The following NCCRP1 variants were observed in gnomAD, a reference collection of about 807,000 sequenced individuals.
The protein encoded by NCCRP1 is F-box only protein 50.
Under a neutral mutation model 34.4 loss-of-function variants are expected in NCCRP1, and 32 were observed. That is an observed-to-expected ratio of 0.93 (90% CI 0.70 to 1.25). The LOEUF (loss-of-function observed/expected upper bound fraction) is 1.25, where lower values mean the gene tolerates loss of function less well. Ranked by LOEUF, NCCRP1 falls within the 50% of genes most tolerant of loss-of-function variation. NCCRP1 has a pLI of 0.00. For missense variants in NCCRP1, 372 were observed against 391.8 expected, an observed-to-expected ratio of 0.95 and a Z score of 0.43; for synonymous variants, 172 against 180.1, an observed-to-expected ratio of 0.95 and a Z score of 0.36.
chr19:39,198,833 C>T (rs1027870887), intron 3 of NCCRP1, among the ~76,000 whole-genome samples: 9 of 152,184 alleles, frequency 5.9e-5, no homozygotes, highest in African/African-American at 7.2e-5. Context: ...CCCTGTCCTC[C>T]ATGAAACAGA....
In NCCRP1 at chr19:39,196,994, G is replaced by C; in HGVS notation, c.12G>C (p.Val4=). 6.5e-7 allele frequency: 1 copy of C among 1,536,494 alleles called. No homozygotes were observed. The highest frequency in any genetic ancestry group is 8.7e-7 in the Non-Finnish European group (1 of 1,148,580). ...CGCAGCCTCGAGGGATGGAGGAGGT[G>C]CGTGAGGGACACGCGCTCGGTGGCG... MEE[V]REGHALGGGM... The change falls in exon 1 of 6, where the codon GTG becomes GTC. Residue 4 remains valine, a synonymous_variant. Transcript: ENST00000339852.
At chr19:39,199,055 A>T in intron 3 of NCCRP1, 115 bp from the exon 4 acceptor site, 1 of 869,972 alleles carries the variant, frequency 1.1e-6, no homozygotes, top group Non-Finnish European at 1.9e-6. Flanking sequence ...GTGCTGAGGG[A>T]GCACCCCACG....
At position 39,197,952 on chromosome 19, in the gene NCCRP1, A is replaced by G. The variant is rs776681746; in HGVS notation, c.338-101A>G. On this transcript the variant is annotated intron_variant, in intron 1 of 5. Transcript: ENST00000339852. ...CTGCCGGGCTTCCCTGACCTGGCAC[A>G]GATTCCTGCCCTTCCAGTGTATAGC... The G allele has an allele frequency of 4.7e-4, 650 of 1,397,776 alleles. 3 individuals are homozygous for G. The highest frequency in any genetic ancestry group is 1.4e-4 in the Admixed American group (8 of 58,818). The allele number at this position is 1,397,776 out of a possible 1,614,324, so 86.6% of individuals were successfully genotyped here.
At chr19:39,198,422 A>G (rs2074772605) in intron 3 of NCCRP1, among the ~76,000 whole-genome samples, 169 bp downstream of exon 3, 1 of 152,200 alleles carries the variant, frequency 6.6e-6, no homozygotes, top group Non-Finnish European at 1.5e-5. Flanking sequence ...GGGCCCGGCC[A>G]GGTCTGGCTA....
Position 39,200,406 on chromosome 19 carries a change from C to T in NCCRP1, c.609C>T (p.Ala203=), listed in dbSNP as rs761896127. 2.9e-5 allele frequency: 46 copies of T among 1,613,342 alleles called. No homozygotes were observed. The Middle Eastern group carries it at 4.9e-4, about 17-fold the overall frequency. ...VYELHVWLLA[A]DRRTVIAQHH... is the part of the protein sequence containing the mutation. ...AGCTGCATGTCTGGCTGCTGGCGGCCGACCGCCGCACGGTCATTGCTCAGC... is the reference window on the plus strand; with the variant it reads ...AGCTGCATGTCTGGCTGCTGGCGGCTGACCGCCGCACGGTCATTGCTCAGC... The change falls in exon 5 of 6, where the codon GCC becomes GCT. Residue 203 remains alanine, a synonymous_variant. Coordinates refer to ENST00000339852, the MANE Select transcript of NCCRP1 (RefSeq NM_001001414.2). The surrounding 1 kb of genome is among the most constrained non-coding windows in gnomAD (Gnocchi z 5.8).
intron 4 of NCCRP1, among the ~76,000 whole-genome samples, chr19:39,199,922 C>G (rs1386878454): frequency 2.0e-5 from 3 of 152,116 alleles, no homozygotes; most frequent in African/African-American, 7.2e-5. Flanking sequence ...CCCTGATCAC[C>G]CCTCAGCTGG....
chr19:39,198,971 C>G (rs2074774896), intron 3 of NCCRP1, among the ~76,000 whole-genome samples, 199 bp from the exon 4 acceptor site: 1 of 152,166 alleles, frequency 6.6e-6, no homozygotes. Context: ...TCCTCAGCCT[C>G]AGGTTCCTTG....
chr19:39,199,043 A>G (rs966337481), intron 3 of NCCRP1, 127 bp from the exon 4 acceptor site: 9 of 750,850 alleles, frequency 1.2e-5, no homozygotes, highest in Admixed American at 2.1e-5. Context: ...TGAGAGTGGA[A>G]GGTGCTGAGG....
Position 39,200,306 on chromosome 19 carries a change from A to C in NCCRP1, c.549-40A>C. ...GCCAGGGGCTGGGGCTGGGTAGCTG[A>C]GACTGCAGTGACAGCTGAAGGCCTT... On this transcript the variant is annotated intron_variant, in intron 4 of 5. Transcript: ENST00000339852. The surrounding 1 kb of genome is among the most constrained non-coding windows in gnomAD (Gnocchi z 5.8). 4 of 1,608,064 alleles carry C rather than the reference A, an allele frequency of 2.5e-6. No individual in the cohort carries two copies. The highest frequency in any genetic ancestry group is 3.4e-6 in the Non-Finnish European group (4 of 1,177,508).
In NCCRP1 at chr19:39,200,362, C is replaced by T. The variant is rs1169649433; in HGVS notation, c.565C>T (p.Leu189=). 1 of 1,613,648 alleles carries T rather than the reference C, an allele frequency of 6.2e-7. No homozygotes were observed. The highest frequency in any genetic ancestry group is 1.1e-5 in the South Asian group (1 of 91,068). The change falls in exon 5 of 6, where the codon CTG becomes TTG. Residue 189 remains leucine, a synonymous_variant. Transcript: ENST00000339852. The surrounding 1 kb of genome is among the most constrained non-coding windows in gnomAD (Gnocchi z 5.8). ...CGCCTGCAGGTTCGAGGACAGCCGG[C>T]TGGATGCGTGCGTCTATGAGCTGCA... is the stretch of plus-strand genomic sequence containing the variant. The part of the protein sequence containing the change: ...TVMDWFEDSR[L]DACVYELHVW...
chr19:39,198,699 T>G (rs1211554465), intron 3 of NCCRP1, among the ~76,000 whole-genome samples: 4 of 152,182 alleles, frequency 2.6e-5, no homozygotes, highest in Non-Finnish European at 5.9e-5. Flanking sequence ...CCTCAAGTGA[T>G]CTGCCTGCCT....
At chr19:39,198,657 C>G (rs1600433273) in intron 3 of NCCRP1, among the ~76,000 whole-genome samples, 1 of 152,180 alleles carries the variant, frequency 6.6e-6, no homozygotes, top group East Asian at 1.9e-4. Context: ...CGGAGTTTCA[C>G]CATGTTGGCC....
At position 39,200,928 on chromosome 19, in the gene NCCRP1, G is replaced by A; in HGVS notation, c.*172G>A. 1.3e-6 allele frequency: 1 copy of A among 776,058 alleles called. No individual in the cohort carries two copies. The highest frequency in any genetic ancestry group is 2.0e-6 in the Non-Finnish European group (1 of 497,662). The allele number at this position is 776,058 out of a possible 1,614,324, so 48.1% of individuals were successfully genotyped here. A position where few individuals can be genotyped will look rare whatever the true frequency, so the allele number is the denominator to read the frequency against. On this transcript the variant is annotated 3_prime_UTR_variant, in exon 6 of 6. Transcript: ENST00000339852. The surrounding 1 kb of genome is among the most constrained non-coding windows in gnomAD (Gnocchi z 5.8). ...CCAGCATTTTCCCAGCACTGTCTGAGCCCCATGAGGGCGGAGCCACTCCTT... is the reference window on the plus strand; with the variant it reads ...CCAGCATTTTCCCAGCACTGTCTGAACCCCATGAGGGCGGAGCCACTCCTT...
Position 39,201,725 on chromosome 19 carries a change from C to T in NCCRP1, c.*969C>T, listed in dbSNP as rs2074789604. The T allele has an allele frequency of 6.6e-6, 1 of 152,246 alleles. No individual in the cohort carries two copies. Among genetic ancestry groups the T allele is most frequent in the Non-Finnish European group, 1.5e-5 (1 of 68,076 alleles). The allele number at this position is 152,246 out of a possible 1,614,324, so 9.4% of individuals were successfully genotyped here. On this transcript the variant is annotated 3_prime_UTR_variant, in exon 6 of 6. Coordinates refer to ENST00000339852, the MANE Select transcript of NCCRP1 (RefSeq NM_001001414.2). ...CCGAGGACCCTTTGTGTATCTCCTC[C>T]AGCTACCGCAGAGCCCACAAACCCA...
rs765570355 is a variant in NCCRP1 at position 39,200,631 on chromosome 19, C to T, written c.703C>T (p.Arg235Cys). 34 of 1,613,948 alleles carry T rather than the reference C, an allele frequency of 2.1e-5. No individual in the cohort carries two copies. Among genetic ancestry groups the T allele is most frequent in the Admixed American group, 5.0e-5 (3 of 59,994 alleles). Residue 235 changes from arginine to cysteine, a missense_variant, in exon 6 of 6, where the codon CGC (arginine) becomes TGC (cysteine). Coordinates refer to ENST00000339852, the MANE Select transcript of NCCRP1 (RefSeq NM_001001414.2). This position sits in a 1 kb window ranked among gnomAD's most constrained non-coding sequence, Gnocchi z 5.8. ...GRWVQVSHVFRHYGPGVRFIH... is the reference protein window; with the variant it reads ...GRWVQVSHVFCHYGPGVRFIH... ...GTCACCACAGGTGTCCCACGTATTC[C>T]GCCATTATGGTCCCGGTGTGCGCTT...
rs552939345 is a variant in NCCRP1 at position 39,199,605 on chromosome 19, C to T, written c.548+340C>T. Among the ~76,000 whole-genome samples the T allele has an allele frequency of 4.3e-5, 6 of 141,088 alleles. No individual in the cohort carries two copies. In the South Asian group the frequency reaches 1.4e-3, roughly 33 times the overall value. 92.6% of individuals were successfully genotyped at this position (141,088 alleles called of 152,430 possible). On this transcript the variant is annotated intron_variant, in intron 4 of 5. Coordinates refer to ENST00000339852, the MANE Select transcript of NCCRP1 (RefSeq NM_001001414.2). ...TCAGCTCACTGCTACCTCTGCCTCG[C>T]AGGTTCAAGCGATTCTCCTGCCTCA...
chr19:39,200,464 C>A lies in NCCRP1; in HGVS notation c.667C>A (p.Pro223Thr), dbSNP rs1416949652. ...HVAPRTSGRG[P>T]PGRWVQVSHV... The stretch of plus-strand genomic sequence containing the variant: ...GGCCCCCCGAACTTCTGGGAGAGGA[C>A]CCCCTGGCCGCTGGGTCCAGGTGAG... The change falls in exon 5 of 6, where the codon CCC becomes ACC. Residue 223 changes from proline (P) to threonine (T), a missense_variant. By Grantham distance (38) the Pro-to-Thr change is conservative. Transcript: ENST00000339852. This position sits in a 1 kb window ranked among gnomAD's most constrained non-coding sequence, Gnocchi z 5.8. 3 of 1,613,250 alleles carry A rather than the reference C, an allele frequency of 1.9e-6. No individual in the cohort carries two copies. Among genetic ancestry groups the A allele is most frequent in the African/African-American group, 1.3e-5 (1 of 74,930 alleles).
At position 39,201,779 on chromosome 19, in the gene NCCRP1, G is replaced by A. The variant is rs987246543; in HGVS notation, c.*1023G>A. On this transcript the variant is annotated 3_prime_UTR_variant, in exon 6 of 6. Coordinates refer to ENST00000339852, the MANE Select transcript of NCCRP1 (RefSeq NM_001001414.2). ...ATCTATCAAAGTCCCTCATTCATGAGGGTGGTGAGGACACAGACTGCGACC... is the reference window on the plus strand; with the variant it reads ...ATCTATCAAAGTCCCTCATTCATGAAGGTGGTGAGGACACAGACTGCGACC... 2 of 152,198 alleles carry A rather than the reference G, an allele frequency of 1.3e-5. No individual in the cohort carries two copies. The highest frequency in any genetic ancestry group is 4.8e-5 in the African/African-American group (2 of 41,446). 9.4% of individuals were successfully genotyped at this position (152,198 alleles called of 1,614,324 possible). A position where few individuals can be genotyped will look rare whatever the true frequency, so the allele number is the denominator to read the frequency against.
In NCCRP1 at chr19:39,198,017, G is replaced by A. The variant is rs1447245886; in HGVS notation, c.338-36G>A. On this transcript the variant is annotated intron_variant, in intron 1 of 5. Transcript: ENST00000339852. ...GGGGTGAGGCGGTGGAAGATGGAGG[G>A]GCTGCCCAGAGGCTCCACTCACCTG... 20 of 1,610,306 alleles carry A rather than the reference G, an allele frequency of 1.2e-5. No individual in the cohort carries two copies. The Admixed American group carries it at 2.0e-4, about 16-fold the overall frequency.
Sources: allele counts gnomAD v4.1 joint callset (sites outside exome capture counted in the v4.1 genomes callset), GRCh38; gene constraint gnomAD v4.1.1; non-coding constraint Gnocchi (gnomAD v3.1); transcripts MANE v1.5; gene names NCBI Gene and HGNC (gene_info 2026-07-23, HGNC 2026-07-21).